Variants in ZNF565 observed in about 807,000 individuals in gnomAD.
The protein encoded by ZNF565 is zinc finger protein 565.
ZNF565 carries 27 observed loss-of-function variants against 39.4 expected under a neutral mutation model. That is an observed-to-expected ratio of 0.69 (90% CI 0.51 to 0.95). The LOEUF is 0.95. Among genes scored for constraint, ZNF565 ranks in the 40% least tolerant of loss-of-function variants. ZNF565 has a pLI of 0.00. For missense variants in ZNF565, 524 were observed against 621.1 expected (o/e 0.84, Z 1.66); for synonymous variants, 185 against 216.6 (o/e 0.85, Z 1.28).
intron 2 of ZNF565, among the ~76,000 whole-genome samples, chr19:36,199,816 TTG>T (rs1691042204): frequency 6.6e-6 from 1 of 151,142 alleles, no homozygotes; most frequent in South Asian, 2.1e-4. Flanking sequence ...ATGCCTAACT[TTG>T]TGTTTTAAAA....
At chr19:36,189,244 G>A (rs1198969324) in intron 4 of ZNF565, among the ~76,000 whole-genome samples, 1 of 151,828 alleles carries the variant, frequency 6.6e-6, no homozygotes, top group African/African-American at 2.4e-5. Flanking sequence ...AGCCGAGATC[G>A]TGCTACTACA....
In ZNF565 at chr19:36,245,810, C is replaced by T. The variant is rs1280255822; in HGVS notation, c.-280G>A. 2.4e-6 allele frequency: 1 copy of T among 408,292 alleles called. No homozygotes were observed. Among genetic ancestry groups the T allele is most frequent in the Non-Finnish European group, 4.4e-6 (1 of 227,932 alleles). 25.3% of individuals were successfully genotyped at this position (408,292 alleles called of 1,614,324 possible). On this transcript the variant is annotated 5_prime_UTR_variant, in exon 1 of 5. Transcript: ENST00000355114. The surrounding 1 kb of genome is among the most constrained non-coding windows in gnomAD (Gnocchi z 4.4). Reference sequence around the variant, plus strand: ...CGGAGGCTACTCTTGAGTCCCGGTTCCTTCGCCCAGCTGCGGGCCTCGGGC... The same window carrying T: ...CGGAGGCTACTCTTGAGTCCCGGTTTCTTCGCCCAGCTGCGGGCCTCGGGC...
At chr19:36,243,273 A>T (rs1032733793) in intron 1 of ZNF565, among the ~76,000 whole-genome samples, 1 of 152,112 alleles carries the variant, frequency 6.6e-6, no homozygotes, top group Non-Finnish European at 1.5e-5. Context: ...ACTTCAGGTG[A>T]TCCACCCACC....
chr19:36,190,827 A>C (rs1171388741), intron 4 of ZNF565, among the ~76,000 whole-genome samples: 3 of 151,596 alleles, frequency 2.0e-5, no homozygotes, highest in Non-Finnish European at 2.9e-5. Flanking sequence ...TCCTGTCTCT[A>C]CTAAAAATAC....
At chr19:36,219,433 C>A (rs370917013), upstream of ZNF565, among the ~76,000 whole-genome samples, 3 of 152,030 alleles carry the variant, frequency 2.0e-5, no homozygotes, top group South Asian at 4.1e-4. Flanking sequence ...TCATCATTAT[C>A]CGCTCCTTTG....
At chr19:36,237,693 A>C (rs1215247976) in intron 1 of ZNF565, 1 of 185,092 alleles carries the variant, frequency 5.4e-6, no homozygotes, top group Non-Finnish European at 1.3e-5. Flanking sequence ...TGACATGGTC[A>C]TCTACAACTA....
chr19:36,238,668 A>G (rs1047677444), intron 1 of ZNF565: 1 of 167,124 alleles, frequency 6.0e-6, no homozygotes, highest in Non-Finnish European at 1.5e-5. Flanking sequence ...AACATTTTAT[A>G]GAAAATATTT....
Position 36,231,909 on chromosome 19 carries a change from T to TAA in ZNF565, c.55+13565_55+13566dup, listed in dbSNP as rs60263832. ...GTTGAGACCCCGTATCTTTTTTATT[T>TAA]AAAAAAAAAAAGGCCAGACTCGGTG... On this transcript the variant is annotated intron_variant, in intron 1 of 4. Coordinates refer to the ZNF565 transcript ENST00000355114. Among the ~76,000 whole-genome samples, 382 of 145,962 alleles carry TAA rather than the reference T, an allele frequency of 2.6e-3. 2 individuals carry two copies. The highest frequency in any genetic ancestry group is 8.8e-3 in the African/African-American group (353 of 40,028).
intron 1 of ZNF565, among the ~76,000 whole-genome samples, chr19:36,206,320 G>A (rs1239647165): frequency 6.6e-6 from 1 of 152,022 alleles, no homozygotes; most frequent in Non-Finnish European, 1.5e-5. Flanking sequence ...AGATAGATGG[G>A]ATTGAGGGCT....
At chr19:36,242,467 A>T (rs990295587) in intron 1 of ZNF565, among the ~76,000 whole-genome samples, 1 of 151,590 alleles carries the variant, frequency 6.6e-6, no homozygotes, top group Non-Finnish European at 1.5e-5. Flanking sequence ...GGTGGCTCAC[A>T]CCTGTAATCC....
chr19:36,196,142 A>G (rs764340251), intron 2 of ZNF565, among the ~76,000 whole-genome samples: 4 of 151,304 alleles, frequency 2.6e-5, no homozygotes, highest in South Asian at 2.1e-4. Context: ...TCACCATGTT[A>G]GTCAATCTTG....
intron 1 of ZNF565, among the ~76,000 whole-genome samples, chr19:36,209,961 G>A (rs1322536422): frequency 1.3e-5 from 2 of 151,808 alleles, no homozygotes; most frequent in Non-Finnish European, 1.5e-5. Context: ...AAAGAAAGGA[G>A]TTACAAAAAG....
intron 2 of ZNF565, among the ~76,000 whole-genome samples, chr19:36,198,128 TAA>T (rs1008692501): frequency 1.4e-5 from 2 of 143,922 alleles, no homozygotes; most frequent in Admixed American, 7.0e-5. Context: ...AAATTCCGTT[TAA>T]AAAAAAAAAA....
intron 4 of ZNF565, among the ~76,000 whole-genome samples, chr19:36,192,315 G>A (rs1975587026): frequency 6.6e-6 from 1 of 152,122 alleles, no homozygotes; most frequent in Admixed American, 6.6e-5. Flanking sequence ...CCATGTTGAT[G>A]TCTGATATGT....
chr19:36,199,506 C>CTTTTTT (rs1183093969), intron 2 of ZNF565, among the ~76,000 whole-genome samples: 16,634 of 127,930 alleles, frequency 0.13, 1,229 homozygotes, highest in Non-Finnish European at 0.19. Context: ...CTTTCTTTCT[C>CTTTTTT]TTTTTTTTTT....
intron 1 of ZNF565, 81 bp from the exon 2 acceptor site, chr19:36,202,131 A>G: frequency 3.9e-6 from 3 of 766,948 alleles, no homozygotes; most frequent in South Asian, 2.9e-5. Context: ...GATGAGCTTA[A>G]AAGAATTGTA....
In ZNF565 at chr19:36,195,147, T is replaced by C; in HGVS notation, c.19A>G (p.Thr7Ala). The C allele has an allele frequency of 1.2e-6, 2 of 1,613,682 alleles. No individual in the cohort carries two copies. Among genetic ancestry groups the C allele is most frequent in the Non-Finnish European group, 1.7e-6 (2 of 1,179,638 alleles). Reference protein sequence around the residue: MAQGLVTFRDVAIEFSL... With the variant: MAQGLVAFRDVAIEFSL... ...AACTCTATGGCCACGTCCCTGAATG[T>C]CACCAGTCCCTGAAACAATAAACCC... Residue 7 changes from threonine to alanine, a missense_variant, in exon 3 of 5, where the codon ACA becomes GCA. Physicochemically the swap from Thr to Ala is moderately conservative, Grantham distance 58. Transcript: ENST00000304116.
At chr19:36,212,607 G>A (rs528622594) in intron 1 of ZNF565, among the ~76,000 whole-genome samples, 1 of 151,314 alleles carries the variant, frequency 6.6e-6, no homozygotes, top group East Asian at 1.9e-4. Context: ...GGGTGACAGA[G>A]CAGGACTCCG....
At chr19:36,230,865 G>C (rs773590085) in intron 1 of ZNF565, among the ~76,000 whole-genome samples, 3 of 151,984 alleles carry the variant, frequency 2.0e-5, no homozygotes, top group Non-Finnish European at 4.4e-5. Context: ...ACAGTGGTGC[G>C]ATCTCGGCTC....
Sources: allele counts gnomAD v4.1 joint callset (sites outside exome capture counted in the v4.1 genomes callset), GRCh38; gene constraint gnomAD v4.1.1; non-coding constraint Gnocchi (gnomAD v3.1); transcripts MANE v1.5; gene names NCBI Gene and HGNC (gene_info 2026-07-23, HGNC 2026-07-21).